The following LRCH2 variants were observed in gnomAD, a reference collection of about 807,000 sequenced individuals.
LRCH2 encodes the protein leucine-rich repeat and calponin homology domain-containing protein 2.
Under a neutral mutation model 68.9 loss-of-function variants are expected in LRCH2, and 38 were observed. The ratio of observed to expected loss-of-function variants is 0.55; its 90% CI spans 0.43 to 0.72. The LOEUF (loss-of-function observed/expected upper bound fraction) is 0.72, where lower values mean the gene tolerates loss of function less well. Among genes scored for constraint, LRCH2 ranks in the 30% least tolerant of loss-of-function variants. The probability of loss-of-function intolerance (pLI) is 0.00; values close to 1 mark genes in which losing one functional copy is unlikely to be tolerated. For missense variants in LRCH2, 528 were observed against 572.9 expected (o/e 0.92, Z 0.80); for synonymous variants, 191 against 208.1 (o/e 0.92, Z 0.71).
At chrX:115,114,223 T>C (rs1569511042) in intron 20 of LRCH2, among the ~76,000 whole-genome samples, 1 of 111,664 alleles carries the variant, frequency 9.0e-6, no homozygotes, top group East Asian at 2.8e-4. Context: ...ATAGTCTTCC[T>C]CTTTCTTCCT....
At chrX:115,190,152 G>A (rs943111238) in intron 1 of LRCH2, 32 of 1,162,825 alleles carry the variant, frequency 2.8e-5, no homozygotes, top group South Asian at 7.6e-5. Flanking sequence ...ACTCAGGCCC[G>A]CGGGTCCGGG....
At chrX:115,131,369 C>A in intron 14 of LRCH2, among the ~76,000 whole-genome samples, 1 of 108,588 alleles carries the variant, frequency 9.2e-6, no homozygotes, top group Non-Finnish European at 1.9e-5. Flanking sequence ...GGTTTTCTGT[C>A]CTTGCGACAG....
At chrX:115,180,031 C>G (rs887694197) in intron 3 of LRCH2, among the ~76,000 whole-genome samples, 4 of 110,506 alleles carry the variant, frequency 3.6e-5, no homozygotes, top group Non-Finnish European at 7.6e-5. Context: ...CCAACTCATA[C>G]CAGCCAAAAC....
intron 6 of LRCH2, among the ~76,000 whole-genome samples, chrX:115,169,516 T>C (rs868955983): frequency 2.7e-5 from 3 of 111,465 alleles, no homozygotes; most frequent in Middle Eastern, 9.3e-3. Context: ...AAAATAAAAA[T>C]ATTCAAGAAA....
At chrX:115,225,120 ATTTCTTTGTGTCCAG>A (rs1231566581) in intron 1 of LRCH2, among the ~76,000 whole-genome samples, 2 of 111,946 alleles carry the variant, frequency 1.8e-5, no homozygotes, top group African/African-American at 6.5e-5. Flanking sequence ...AGGTTAGATC[ATTTCTTTGTGTCCAG>A]TTTTTACACA....
chrX:115,190,914 C>T, intron 1 of LRCH2: 3 of 1,165,400 alleles, frequency 2.6e-6, no homozygotes, highest in South Asian at 1.9e-5. Context: ...CCGAGGCCTA[C>T]AGTGGGGGCC....
At chrX:115,129,071 T>C (rs2072221763) in intron 15 of LRCH2, among the ~76,000 whole-genome samples, 1 of 111,541 alleles carries the variant, frequency 9.0e-6, no homozygotes, top group Middle Eastern at 4.2e-3. Flanking sequence ...TCCTATTGGG[T>C]TTATGAGATA....
chrX:115,205,194 A>G (rs1158394979), intron 1 of LRCH2, among the ~76,000 whole-genome samples: 3 of 111,660 alleles, frequency 2.7e-5, no homozygotes, highest in Non-Finnish European at 5.6e-5. Context: ...AACATCGGGG[A>G]AACCACCCTC....
chrX:115,194,887 G>T (rs782375850), intron 1 of LRCH2, among the ~76,000 whole-genome samples: 3 of 111,452 alleles, frequency 2.7e-5, no homozygotes, highest in Admixed American at 9.6e-5. Flanking sequence ...GTTTATATCT[G>T]TATAAACCGA....
At chrX:115,147,703 A>T (rs2072398014) in intron 14 of LRCH2, among the ~76,000 whole-genome samples, 1 of 111,573 alleles carries the variant, frequency 9.0e-6, no homozygotes, top group African/African-American at 3.3e-5. Context: ...GCACATTTTT[A>T]AAATGTGGCC....
At chrX:115,162,241 AC>A (rs1311204809) in intron 11 of LRCH2, among the ~76,000 whole-genome samples, 2 of 111,394 alleles carry the variant, frequency 1.8e-5, no homozygotes, top group African/African-American at 6.5e-5. Context: ...TCTTAAAAAA[AC>A]AATATTATCG....
intron 1 of LRCH2, among the ~76,000 whole-genome samples, chrX:115,223,771 C>T (rs2073100535): frequency 9.4e-6 from 1 of 106,154 alleles, no homozygotes; most frequent in Admixed American, 1.0e-4. Context: ...AAAAAAAATA[C>T]AAAAATTAGC....
At chrX:115,123,250 G>T in intron 17 of LRCH2, 58 bp from the exon 18 acceptor site, 1 of 857,896 alleles carries the variant, frequency 1.2e-6, no homozygotes, top group Non-Finnish European at 1.7e-6. Flanking sequence ...AGCAACTATT[G>T]ATGGGGAAAG....
intron 14 of LRCH2, among the ~76,000 whole-genome samples, chrX:115,147,808 T>TG (rs1556536871): frequency 9.0e-6 from 1 of 110,887 alleles, no homozygotes; most frequent in Non-Finnish European, 1.9e-5. Context: ...CTCAGCACTT[T>TG]GGGGGGGCCT....
chrX:115,198,333 T>C (rs2072906425), intron 1 of LRCH2: 1 of 110,851 alleles, frequency 9.0e-6, no homozygotes, highest in Non-Finnish European at 1.9e-5. Context: ...CAAAAAGGAG[T>C]TTGCCACAGC....
intron 20 of LRCH2, among the ~76,000 whole-genome samples, chrX:115,119,041 G>A (rs1556524991): frequency 1.8e-5 from 2 of 111,346 alleles, no homozygotes; most frequent in Non-Finnish European, 3.8e-5. Context: ...AGCTATCTAT[G>A]ACAAACCCAC....
chrX:115,170,552 C>A, intron 5 of LRCH2, 120 bp from the exon 6 acceptor site: 1 of 681,456 alleles, frequency 1.5e-6, no homozygotes. Flanking sequence ...TGATACTTTG[C>A]ATATTTAAAT....
At chrX:115,231,296 T>G (rs1191690064) in intron 1 of LRCH2, among the ~76,000 whole-genome samples, 1 of 111,669 alleles carries the variant, frequency 9.0e-6, no homozygotes, top group Admixed American at 9.5e-5. Context: ...ATATACTGTA[T>G]GTGTGTTCCT....
chrX:115,169,120 A>G (rs1310871884), intron 6 of LRCH2, among the ~76,000 whole-genome samples: 1 of 111,541 alleles, frequency 9.0e-6, no homozygotes, highest in East Asian at 2.8e-4. Context: ...CCCTGACGAC[A>G]CTCTTGAAAT....
Sources: gnomAD v4.1 joint callset for allele counts (sites outside exome capture counted in the v4.1 genomes callset) on GRCh38, gnomAD v4.1.1 for gene constraint, MANE v1.5 for transcripts, NCBI Gene and HGNC (gene_info 2026-07-23, HGNC 2026-07-21) for gene names.